The following FREM1 variants were observed in gnomAD, a reference collection of about 807,000 sequenced individuals.
FREM1 encodes the protein FRAS1-related extracellular matrix protein 1.
FREM1 carries 220 observed loss-of-function variants against 210.1 expected under a neutral mutation model. The ratio of observed to expected loss-of-function variants is 1.05; its 90% CI spans 0.94 to 1.17. The LOEUF is 1.17. Ranked by LOEUF, FREM1 falls within the 50% of genes most tolerant of loss-of-function variation. The pLI is 0.00. For synonymous variants in FREM1, 1,189 were observed against 980.2 expected, an observed-to-expected ratio of 1.21 and a Z score of -3.98; for missense variants, 3,454 against 2,675.5, an observed-to-expected ratio of 1.29 and a Z score of -6.42.
At chr9:14,867,412 T>C (rs1831729010) in intron 2 of FREM1, among the ~76,000 whole-genome samples, 1 of 152,190 alleles carries the variant, frequency 6.6e-6, no homozygotes, top group African/African-American at 2.4e-5. Flanking sequence ...GGAGCCATTG[T>C]TGAATTCTAA....
chr9:14,768,804 T>A (rs1846964765), intron 27 of FREM1, among the ~76,000 whole-genome samples: 1 of 152,200 alleles, frequency 6.6e-6, no homozygotes, highest in Non-Finnish European at 1.5e-5. Flanking sequence ...CTTTTCTTAA[T>A]CTATACTCCA....
chr9:14,776,593 T>C (rs77062075), intron 24 of FREM1, among the ~76,000 whole-genome samples: 1,793 of 152,344 alleles, frequency 0.012, 27 homozygotes, highest in African/African-American at 0.041. Flanking sequence ...AATTTTTCAA[T>C]TGTTTTTTTC....
chr9:14,797,518 A>T lies in FREM1; in HGVS notation c.3819T>A (p.Asp1273Glu), dbSNP rs7025814. 0.014 allele frequency: 23,309 copies of T among 1,608,556 alleles called. 1,376 individuals are homozygous for T. The African/African-American group carries it at 0.18, about 13-fold the overall frequency. ...TISVEVIPVN[D>E]EKPMLSKKAE... The stretch of plus-strand genomic sequence containing the variant: ...CTTACTTGCTCAGCATTGGTTTTTC[A>T]TCATTAACTGGGATGACCTCTACTG... Residue 1273 changes from aspartate to glutamate, a missense_variant, in exon 21 of 37, where the codon GAT becomes GAA. Transcript: ENST00000380880.
intron 36 of FREM1, among the ~76,000 whole-genome samples, chr9:14,739,383 C>A (rs954619902): frequency 6.7e-6 from 1 of 150,148 alleles, no homozygotes; most frequent in Non-Finnish European, 1.5e-5. Context: ...GGATTACAGG[C>A]GTGAGCCACC....
intron 28 of FREM1, among the ~76,000 whole-genome samples, chr9:14,758,717 T>C (rs1844886818): frequency 6.6e-6 from 1 of 152,094 alleles, no homozygotes; most frequent in Non-Finnish European, 1.5e-5. Flanking sequence ...TCATTCTCCA[T>C]CATTAGTGTG....
chr9:14,795,777 A>T (rs1399875025), intron 21 of FREM1, among the ~76,000 whole-genome samples: 1 of 152,206 alleles, frequency 6.6e-6, no homozygotes, highest in Non-Finnish European at 1.5e-5. Flanking sequence ...AATTTTGGTG[A>T]GGATTTAATG....
rs974726993 is a variant in FREM1 at position 14,805,009 on chromosome 9, T to C, written c.3418A>G (p.Ile1140Val). ...HHSLEIPFSI[I>V]INPTNDEAPD... Reference sequence around the variant, plus strand: ...GCTTCATCATTTGTGGGGTTGATTATAATAGAAAATGGTATCTCCAAGGAG... The same window carrying C: ...GCTTCATCATTTGTGGGGTTGATTACAATAGAAAATGGTATCTCCAAGGAG... The change falls in exon 19 of 37, where the codon ATA becomes GTA. Residue 1140 changes from isoleucine to valine, a missense_variant. Ile to Val is a conservative substitution (Grantham distance 29). Transcript: ENST00000380880. 6.2e-7 allele frequency: 1 copy of C among 1,613,692 alleles called. No homozygotes were observed. Among genetic ancestry groups the C allele is most frequent in the Non-Finnish European group, 8.5e-7 (1 of 1,179,732 alleles).
At chr9:14,886,289 G>C (rs1235534344) in intron 1 of FREM1, among the ~76,000 whole-genome samples, 4 of 150,388 alleles carry the variant, frequency 2.7e-5, no homozygotes, top group African/African-American at 7.4e-5. Flanking sequence ...GGGAGGCTGA[G>C]GCAGGAGAAT....
intron 1 of FREM1, among the ~76,000 whole-genome samples, chr9:14,875,101 T>G (rs1399300511): frequency 6.6e-6 from 1 of 152,178 alleles, no homozygotes; most frequent in Non-Finnish European, 1.5e-5. Flanking sequence ...GCCCTTAACA[T>G]TTTTTCCTTC....
intron 35 of FREM1, among the ~76,000 whole-genome samples, chr9:14,746,089 A>G (rs759553740): frequency 6.6e-6 from 1 of 152,196 alleles, no homozygotes; most frequent in African/African-American, 2.4e-5. Context: ...CAGCTTTAAC[A>G]GAAAAGAGCT....
chr9:14,761,212 T>G (rs1246788307), intron 27 of FREM1, among the ~76,000 whole-genome samples: 2 of 152,186 alleles, frequency 1.3e-5, no homozygotes, highest in African/African-American at 2.4e-5. Context: ...GTGTCCACAC[T>G]GATCATGTGT....
At chr9:14,747,503 C>A (rs1842683129) in intron 32 of FREM1, 75 bp from the exon 33 acceptor site, 1 of 1,447,154 alleles carries the variant, frequency 6.9e-7, no homozygotes, top group Non-Finnish European at 9.4e-7. Flanking sequence ...ATGAGCAATT[C>A]AAAAATTCAG....
intron 20 of FREM1, among the ~76,000 whole-genome samples, chr9:14,799,158 T>C (rs1198490280): frequency 6.6e-6 from 1 of 152,000 alleles, no homozygotes; most frequent in Non-Finnish European, 1.5e-5. Flanking sequence ...TGATGACTTG[T>C]GCCTGTGGTC....
At chr9:14,739,453 T>TATATATATATATATATAATTC (rs1563801854) in intron 36 of FREM1, among the ~76,000 whole-genome samples, 2 of 16,298 alleles carry the variant, frequency 1.2e-4, no homozygotes, top group Admixed American at 7.6e-4. Flanking sequence ...ATTTGGAATA[T>TATATATATATATATATAATTC]ATATATATAT....
At chr9:14,826,255 C>A (rs932121286) in intron 10 of FREM1, among the ~76,000 whole-genome samples, 5 of 152,048 alleles carry the variant, frequency 3.3e-5, no homozygotes, top group African/African-American at 7.2e-5. Flanking sequence ...TCACACCCAG[C>A]TAATTTTTGT....
At chr9:14,852,873 G>C (rs576112313) in intron 5 of FREM1, among the ~76,000 whole-genome samples, 2 of 152,332 alleles carry the variant, frequency 1.3e-5, no homozygotes, top group South Asian at 2.1e-4. Flanking sequence ...CAATAAAAGA[G>C]ATTAGATGTG....
At chr9:14,752,030 C>T (rs1843485385) in intron 29 of FREM1, among the ~76,000 whole-genome samples, 1 of 150,130 alleles carries the variant, frequency 6.7e-6, no homozygotes, top group East Asian at 1.9e-4. Flanking sequence ...ATACAATTCC[C>T]ATCTCATGGA....
In FREM1 at chr9:14,821,609, G is replaced by T. The variant is rs577774094; in HGVS notation, c.2337+1551C>A. 2.0e-5 allele frequency among the ~76,000 whole-genome samples: 3 copies of T among 152,312 alleles called. No individual in the cohort carries two copies. The East Asian group carries it at 5.8e-4, about 29-fold the overall frequency. ...GGGAATATGATCTGGTCCCTGATAG[G>T]AAAGGTGTCAAAGAATGGAGTTAGT... On this transcript the variant is annotated intron_variant, in intron 13 of 36. Coordinates refer to ENST00000380880, the MANE Select transcript of FREM1 (RefSeq NM_001379081.2).
intron 1 of FREM1, among the ~76,000 whole-genome samples, chr9:14,909,189 G>C (rs1029025176): frequency 4.6e-5 from 7 of 151,740 alleles, no homozygotes; most frequent in Non-Finnish European, 4.4e-5. Flanking sequence ...GGGTGCAATA[G>C]TTTAAAAAAA....
Sources: allele counts gnomAD v4.1 joint callset (sites outside exome capture counted in the v4.1 genomes callset), GRCh38; gene constraint gnomAD v4.1.1; transcripts MANE v1.5; gene names NCBI Gene and HGNC (gene_info 2026-07-23, HGNC 2026-07-21).